ZSWIM5: variants seen among roughly 807,000 people sequenced by gnomAD.
The protein encoded by ZSWIM5 is zinc finger SWIM-type containing 5.
A neutral mutation model predicts 119.6 loss-of-function variants in ZSWIM5; 55 were observed. That is an observed-to-expected ratio of 0.46 (90% CI 0.37 to 0.58). The LOEUF is 0.58. ZSWIM5 is among the 20% of genes least tolerant of loss of function. The pLI is 0.00. For missense variants in ZSWIM5, 1,193 were observed against 1,512.8 expected (o/e 0.79, Z 3.51); for synonymous variants, 537 against 606.9 (o/e 0.88, Z 1.69).
intron 1 of ZSWIM5, among the ~76,000 whole-genome samples, chr1:45,183,406 AC>A (rs1646035276): frequency 6.6e-6 from 1 of 152,200 alleles, no homozygotes; most frequent in Non-Finnish European, 1.5e-5. Flanking sequence ...ATCAGAGCAG[AC>A]CTGAAGGAAA....
At chr1:45,126,859 G>C (rs1645625118) in intron 1 of ZSWIM5, among the ~76,000 whole-genome samples, 1 of 152,174 alleles carries the variant, frequency 6.6e-6, no homozygotes, top group African/African-American at 2.4e-5. Context: ...TGTTTTAAGA[G>C]ATGGGGTCTC....
intron 1 of ZSWIM5, among the ~76,000 whole-genome samples, chr1:45,185,030 T>C (rs568480077): frequency 6.6e-6 from 1 of 151,186 alleles, no homozygotes; most frequent in African/African-American, 2.4e-5. Flanking sequence ...CAAAACAGAA[T>C]GGTACTGGTA....
chr1:45,188,921 T>TA (rs1420971402), intron 1 of ZSWIM5, among the ~76,000 whole-genome samples: 1 of 152,248 alleles, frequency 6.6e-6, no homozygotes, highest in Non-Finnish European at 1.5e-5. Context: ...AACCATTCAC[T>TA]ACTAAATAAA....
chr1:45,042,239 G>A (rs1317613695), intron 6 of ZSWIM5, among the ~76,000 whole-genome samples: 1 of 152,138 alleles, frequency 6.6e-6, no homozygotes, highest in Non-Finnish European at 1.5e-5. Context: ...CCTATAAGTA[G>A]TAAATGAGAG....
intron 2 of ZSWIM5, among the ~76,000 whole-genome samples, chr1:45,073,410 C>T (rs569430799): frequency 6.6e-6 from 1 of 151,398 alleles, no homozygotes; most frequent in African/African-American, 2.4e-5. Context: ...TGGTGCCCAC[C>T]ATCACGCCTG....
rs1266710955 is a variant in ZSWIM5, at chr1:45,051,200, A to G, written c.1306T>C (p.Ser436Pro). 1 of 1,614,170 alleles carries G rather than the reference A, an allele frequency of 6.2e-7. No homozygotes were observed. Among genetic ancestry groups the G allele is most frequent in the Non-Finnish European group, 8.5e-7 (1 of 1,180,034 alleles). ...LNPHCKLEEK[S>P]CWLQQLQKWS... is the part of the protein sequence containing the mutation. ...TTCTGCAGCTGCTGCAGCCAGCAGGATTTCTCCTCCAGTTTGCAGTGTGGA... is the reference window on the plus strand; with the variant it reads ...TTCTGCAGCTGCTGCAGCCAGCAGGGTTTCTCCTCCAGTTTGCAGTGTGGA... The change falls in exon 5 of 14, where the codon TCC (serine) becomes CCC (proline). Residue 436 changes from serine to proline, a missense_variant. By Grantham distance (74) the Ser-to-Pro change is moderately conservative. Transcript: ENST00000359600.
At chr1:45,191,671 G>A (rs1646093967) in intron 1 of ZSWIM5, among the ~76,000 whole-genome samples, 1 of 152,158 alleles carries the variant, frequency 6.6e-6, no homozygotes, top group South Asian at 2.1e-4. Flanking sequence ...GAGGCTCAGA[G>A]AGGTTAAGTA....
rs184970664 is a variant in ZSWIM5 at position 45,060,000 on chromosome 1, G to A, written c.1101+99C>T. 39 of 1,407,134 alleles carry A rather than the reference G, an allele frequency of 2.8e-5. No individual in the cohort carries two copies. The Admixed American group carries it at 5.1e-4, about 19-fold the overall frequency. The allele number at this position is 1,407,134 out of a possible 1,614,324, so 87.2% of individuals were successfully genotyped here. On this transcript the variant is annotated intron_variant, in intron 3 of 13. Coordinates refer to ENST00000359600, the MANE Select transcript of ZSWIM5 (RefSeq NM_020883.2). ...AGTATTCAGTTCAGCTATGTCAAGTGAGCTAGGTATAATGCATGAAGCCTG... is the reference window on the plus strand; with the variant it reads ...AGTATTCAGTTCAGCTATGTCAAGTAAGCTAGGTATAATGCATGAAGCCTG...
intron 1 of ZSWIM5, among the ~76,000 whole-genome samples, chr1:45,183,795 T>C (rs1347133777): frequency 6.6e-6 from 1 of 152,160 alleles, no homozygotes; most frequent in African/African-American, 2.4e-5. Flanking sequence ...ACCAGATGGA[T>C]TCACAGCTGA....
chr1:45,140,609 G>A (rs1447982557), intron 1 of ZSWIM5, among the ~76,000 whole-genome samples: 1 of 152,084 alleles, frequency 6.6e-6, no homozygotes, highest in Non-Finnish European at 1.5e-5. Context: ...AGCCTAAACA[G>A]CCCAATAAAA....
intron 1 of ZSWIM5, among the ~76,000 whole-genome samples, chr1:45,102,351 C>G (rs950023077): frequency 6.6e-6 from 1 of 152,188 alleles, no homozygotes; most frequent in Admixed American, 6.5e-5. Flanking sequence ...GCATGACCTT[C>G]TCATTTCCTT....
intron 1 of ZSWIM5, among the ~76,000 whole-genome samples, chr1:45,131,588 G>A (rs768985163): frequency 6.6e-6 from 1 of 151,958 alleles, no homozygotes; most frequent in Non-Finnish European, 1.5e-5. Context: ...AGCTGGGCAC[G>A]GTGGTGTGTA....
intron 1 of ZSWIM5, among the ~76,000 whole-genome samples, chr1:45,131,536 C>CGGAATTTGA (rs1645656480): frequency 6.6e-6 from 1 of 151,814 alleles, no homozygotes; most frequent in South Asian, 2.1e-4. Context: ...CCAGCCTCGC[C>CGGAATTTGA]AACATGGCGA....
chr1:45,161,280 G>A (rs1276713331), intron 1 of ZSWIM5, among the ~76,000 whole-genome samples: 1 of 152,120 alleles, frequency 6.6e-6, no homozygotes, highest in Non-Finnish European at 1.5e-5. Context: ...CTAGTAGTGA[G>A]ATTGCTGGAT....
intron 1 of ZSWIM5, among the ~76,000 whole-genome samples, chr1:45,095,591 G>T (rs985943036): frequency 1.3e-5 from 2 of 152,104 alleles, no homozygotes; most frequent in Non-Finnish European, 2.9e-5. Flanking sequence ...TGAGATTTGG[G>T]TTTTTTGCTG....
At chr1:45,060,381 G>T in intron 2 of ZSWIM5, 134 bp from the exon 3 acceptor site, 2 of 791,124 alleles carry the variant, frequency 2.5e-6, no homozygotes, top group Non-Finnish European at 3.8e-6. Flanking sequence ...CAACTGTATA[G>T]TCCTAAACAA....
At chr1:45,129,544 T>A (rs1645642618) in intron 1 of ZSWIM5, among the ~76,000 whole-genome samples, 1 of 152,192 alleles carries the variant, frequency 6.6e-6, no homozygotes, top group South Asian at 2.1e-4. Context: ...AGTGTTATTT[T>A]AAATTTCAAA....
In ZSWIM5 at chr1:45,085,427, G is replaced by A. The variant is rs116056227; in HGVS notation, c.952+2454C>T. ...CCAGCTTGTATTCCTCCCCTGAAAC[G>A]GGGAATTGTTTTCTACCATACGGCC... On this transcript the variant is annotated intron_variant, in intron 2 of 13. Coordinates refer to ENST00000359600, the MANE Select transcript of ZSWIM5 (RefSeq NM_020883.2). Among the ~76,000 whole-genome samples, 604 of 152,240 alleles carry A rather than the reference G, an allele frequency of 4.0e-3. 3 individuals carry two copies. Among genetic ancestry groups the A allele is most frequent in the African/African-American group, 0.014 (579 of 41,556 alleles).
intron 2 of ZSWIM5, among the ~76,000 whole-genome samples, chr1:45,063,732 C>T (rs10789455): frequency 0.32 from 48,532 of 151,972 alleles, 8,239 homozygotes; most frequent in Middle Eastern, 0.48. Context: ...GTGGCTCACA[C>T]CTGTAATCCC....
Sources: allele counts gnomAD v4.1 joint callset (sites outside exome capture counted in the v4.1 genomes callset), GRCh38; gene constraint gnomAD v4.1.1; transcripts MANE v1.5; gene names NCBI Gene and HGNC (gene_info 2026-07-23, HGNC 2026-07-21).